The following RTN1 variants were observed in gnomAD, a reference collection of about 807,000 sequenced individuals.
RTN1 encodes the protein reticulon 1.
In RTN1, 25 loss-of-function variants were observed where a neutral mutation model predicts 65.5. The ratio of observed to expected loss-of-function variants is 0.38; its 90% CI spans 0.28 to 0.53. RTN1 has a LOEUF of 0.53. Ranked by LOEUF, RTN1 falls within the 20% of genes least tolerant of loss-of-function variation. RTN1 has a pLI of 0.79. For synonymous variants in RTN1, 471 were observed against 447.6 expected (o/e 1.05, Z -0.66); for missense variants, 983 against 1,025.4 (o/e 0.96, Z 0.57).
intron 1 of RTN1, among the ~76,000 whole-genome samples, chr14:59,789,765 T>C (rs1566727785): frequency 6.6e-6 from 1 of 152,094 alleles, no homozygotes. Context: ...TGCAGCTTTA[T>C]TTGTAAAGCT....
intron 3 of RTN1, among the ~76,000 whole-genome samples, chr14:59,685,710 G>T (rs1282685644): frequency 1.3e-5 from 2 of 152,084 alleles, no homozygotes; most frequent in Non-Finnish European, 1.5e-5. Context: ...TGAATTAGAA[G>T]AATTAATATT....
At chr14:59,778,924 A>G (rs567074872) in intron 1 of RTN1, among the ~76,000 whole-genome samples, 24 of 152,248 alleles carry the variant, frequency 1.6e-4, no homozygotes, top group Middle Eastern at 3.4e-3. Flanking sequence ...AGAACTTCGG[A>G]TATCATGCTA....
At chr14:59,605,292 G>T in intron 5 of RTN1, 76 bp downstream of exon 5, 1 of 1,460,220 alleles carries the variant, frequency 6.8e-7, no homozygotes, top group East Asian at 2.3e-5. Flanking sequence ...TCTTCTTGAT[G>T]TAGCAGTTTA....
At chr14:59,728,889 G>C (rs1566701920) in intron 2 of RTN1, among the ~76,000 whole-genome samples, 1 of 152,214 alleles carries the variant, frequency 6.6e-6, no homozygotes, top group East Asian at 1.9e-4. Flanking sequence ...CAAAGTCTCT[G>C]CTTATACTCT....
chr14:59,613,310 A>G (rs1430791456), intron 3 of RTN1, among the ~76,000 whole-genome samples: 3 of 152,000 alleles, frequency 2.0e-5, no homozygotes, highest in Non-Finnish European at 1.5e-5. Context: ...TTTATTTATT[A>G]TTTTTTGACA....
intron 1 of RTN1, among the ~76,000 whole-genome samples, chr14:59,759,172 T>A (rs946271674): frequency 2.6e-5 from 4 of 152,184 alleles, no homozygotes; most frequent in Non-Finnish European, 5.9e-5. Flanking sequence ...CTTTAGGTCA[T>A]CTAATGCAAG....
chr14:59,776,005 T>C (rs1405250991), intron 1 of RTN1, among the ~76,000 whole-genome samples: 1 of 152,274 alleles, frequency 6.6e-6, no homozygotes, highest in Non-Finnish European at 1.5e-5. Context: ...TCAATTAATG[T>C]CATATTATAA....
intron 3 of RTN1, among the ~76,000 whole-genome samples, chr14:59,706,538 G>T (rs1205897963): frequency 6.7e-6 from 1 of 149,700 alleles, no homozygotes; most frequent in Non-Finnish European, 1.5e-5. Flanking sequence ...TCCAGTCACA[G>T]ACCAGTAACT....
chr14:59,604,038 G>T, intron 5 of RTN1, 117 bp from the exon 6 acceptor site: 1 of 663,344 alleles, frequency 1.5e-6, no homozygotes, highest in Non-Finnish European at 2.7e-6. Context: ...GATTTCGATA[G>T]TCAATGAAAG....
intron 3 of RTN1, among the ~76,000 whole-genome samples, chr14:59,725,299 C>T (rs766113716): frequency 2.0e-5 from 3 of 152,186 alleles, no homozygotes; most frequent in African/African-American, 7.2e-5. Context: ...TTGAACAGCA[C>T]CGTGCACACG....
rs1387704023 is a variant in RTN1 at position 59,694,440 on chromosome 14, T to C, written c.1765+32479A>G. ...GTGTGTGTATGCACTTACACACACA[T>C]GGCACTTTTTCTGAGAATCAGAGAT... is the stretch of plus-strand genomic sequence containing the variant. On this transcript the variant is annotated intron_variant, in intron 3 of 8. Coordinates refer to ENST00000267484, the MANE Select transcript of RTN1 (RefSeq NM_021136.3). Among the ~76,000 whole-genome samples the C allele has an allele frequency of 4.6e-5, 7 of 152,086 alleles. No homozygotes were observed. The East Asian group carries it at 9.6e-4, about 21-fold the overall frequency.
At chr14:59,599,493 G>T (rs962416073) in intron 8 of RTN1, among the ~76,000 whole-genome samples, 3 of 152,126 alleles carry the variant, frequency 2.0e-5, no homozygotes, top group Non-Finnish European at 4.4e-5. Context: ...CACATACCTT[G>T]GCCCAGACAC....
At chr14:59,621,401 T>C (rs1026846297) in intron 3 of RTN1, among the ~76,000 whole-genome samples, 3 of 152,204 alleles carry the variant, frequency 2.0e-5, no homozygotes, top group Non-Finnish European at 2.9e-5. Context: ...AAAGCTACTT[T>C]GCTAAAAACT....
chr14:59,805,705 A>G (rs1307430347), intron 1 of RTN1, among the ~76,000 whole-genome samples: 1 of 152,208 alleles, frequency 6.6e-6, no homozygotes, highest in African/African-American at 2.4e-5. Context: ...TTTATTATCC[A>G]TCAGCTAGAT....
At chr14:59,717,483 G>C (rs1334487972) in intron 3 of RTN1, among the ~76,000 whole-genome samples, 1 of 152,172 alleles carries the variant, frequency 6.6e-6, no homozygotes, top group East Asian at 1.9e-4. Flanking sequence ...AAATTTTCCA[G>C]GCTATGAACA....
At chr14:59,779,846 T>TC (rs956235938) in intron 1 of RTN1, among the ~76,000 whole-genome samples, 7 of 151,824 alleles carry the variant, frequency 4.6e-5, no homozygotes, top group Non-Finnish European at 7.4e-5. Context: ...CTTTTCTTCC[T>TC]CCCCCCACTT....
chr14:59,767,831 A>C (rs1885879552), intron 1 of RTN1, among the ~76,000 whole-genome samples: 1 of 152,186 alleles, frequency 6.6e-6, no homozygotes, highest in South Asian at 2.1e-4. Context: ...CCAGAGTGCA[A>C]ATACTATACA....
intron 3 of RTN1, among the ~76,000 whole-genome samples, chr14:59,623,353 T>G (rs1056097072): frequency 1.8e-4 from 27 of 152,224 alleles, no homozygotes; most frequent in Non-Finnish European, 1.3e-4. Flanking sequence ...TTGGTCACCA[T>G]GGTGGGGTGG....
rs1228039304 is a variant in RTN1 at position 59,605,722 on chromosome 14, T to C, written c.1974-216A>G. ...AGAAAGCATGGTTCTCAGTGGAGCA[T>C]TGTGACTGTTTCTGGCTACCTAAGA... On this transcript the variant is annotated intron_variant, in intron 4 of 8. Transcript: ENST00000267484. 8 of 450,364 alleles carry C rather than the reference T, an allele frequency of 1.8e-5. No homozygotes were observed. The East Asian group carries it at 2.2e-4, about 12-fold the overall frequency. The allele number at this position is 450,364 out of a possible 1,614,324, so 27.9% of individuals were successfully genotyped here. A position where few individuals can be genotyped will look rare whatever the true frequency, so the allele number is the denominator to read the frequency against.
Sources: allele counts gnomAD v4.1 joint callset (sites outside exome capture counted in the v4.1 genomes callset), GRCh38; gene constraint gnomAD v4.1.1; transcripts MANE v1.5; gene names NCBI Gene and HGNC (gene_info 2026-07-23, HGNC 2026-07-21).